Variants in SEL1L2 observed in about 807,000 individuals in gnomAD.
SEL1L2 encodes the protein SEL1L2 adaptor subunit of SYVN1 ubiquitin ligase.
In SEL1L2, 89 loss-of-function variants were observed where a neutral mutation model predicts 98.8. That is an observed-to-expected ratio of 0.90 (90% confidence interval 0.76 to 1.07). The LOEUF is 1.07. SEL1L2 is among the 50% of genes least tolerant of loss of function. The probability of loss-of-function intolerance (pLI) is 0.00; values close to 1 mark genes in which losing one functional copy is unlikely to be tolerated. For synonymous variants in SEL1L2, 262 were observed against 278.5 expected (o/e 0.94, Z 0.59); for missense variants, 788 against 812.0 (o/e 0.97, Z 0.36).
chr20:13,986,759 T>C (rs1208404040), intron 1 of SEL1L2, among the ~76,000 whole-genome samples: 1 of 152,244 alleles, frequency 6.6e-6, no homozygotes, highest in Non-Finnish European at 1.5e-5. Flanking sequence ...TCATTTCTCT[T>C]GGTTATATAC....
chr20:13,983,505 T>C (rs1229598170), intron 1 of SEL1L2, among the ~76,000 whole-genome samples: 1 of 151,866 alleles, frequency 6.6e-6, no homozygotes, highest in Admixed American at 6.6e-5. Context: ...CTAGCTTTTG[T>C]TTTTTGTTTT....
At chr20:13,940,656 G>T (rs1005153370) in intron 2 of SEL1L2, among the ~76,000 whole-genome samples, 1 of 152,030 alleles carries the variant, frequency 6.6e-6, no homozygotes, top group African/African-American at 2.4e-5. Context: ...AGCAGGGGCT[G>T]GGCGTGGTGG....
At chr20:13,933,141 G>T (rs1233588239) in intron 2 of SEL1L2, among the ~76,000 whole-genome samples, 1 of 151,958 alleles carries the variant, frequency 6.6e-6, no homozygotes, top group Non-Finnish European at 1.5e-5. Flanking sequence ...CCTGCGAGGC[G>T]GAGGTTACAG....
intron 10 of SEL1L2, among the ~76,000 whole-genome samples, chr20:13,883,795 A>G (rs936154969): frequency 2.6e-5 from 4 of 152,232 alleles, no homozygotes; most frequent in African/African-American, 4.8e-5. Context: ...TGTCTTCCCT[A>G]CAGCTGAAGC....
At chr20:13,899,058 AATTT>A (rs1336761796) in intron 5 of SEL1L2, among the ~76,000 whole-genome samples, 1 of 151,984 alleles carries the variant, frequency 6.6e-6, no homozygotes, top group Non-Finnish European at 1.5e-5. Context: ...TTATTTTTAC[AATTT>A]ATTTATTTAT....
intron 3 of SEL1L2, among the ~76,000 whole-genome samples, chr20:13,920,794 T>C (rs982848776): frequency 3.9e-5 from 6 of 152,096 alleles, no homozygotes; most frequent in Admixed American, 2.0e-4. Context: ...TCAGAGTTGC[T>C]CATTTTTCTT....
rs199539314 is a variant in SEL1L2 at position 13,987,323 on chromosome 20, T to TG, written c.58+3153_58+3154insC. Among the ~76,000 whole-genome samples the TG allele has an allele frequency of 6.4e-3, 939 of 146,372 alleles. 14 individuals carry two copies. The highest frequency in any genetic ancestry group is 0.02 in the Admixed American group (282 of 14,296). ...TTGTTAATTTACTGTTTTTTTTTTT[T>TG]TTTTTTTTGTTGTTGTTGTTGTTTT... On this transcript the variant is annotated intron_variant, in intron 1 of 19. Transcript: ENST00000284951.
At chr20:13,894,036 A>G (rs2047320251) in intron 5 of SEL1L2, among the ~76,000 whole-genome samples, 2 of 152,198 alleles carry the variant, frequency 1.3e-5, no homozygotes, top group Admixed American at 6.5e-5. Flanking sequence ...AAAGCATCCC[A>G]TAAGATGCTA....
chr20:13,958,782 A>C (rs904220088), intron 1 of SEL1L2, among the ~76,000 whole-genome samples: 2 of 147,372 alleles, frequency 1.4e-5, no homozygotes, highest in Non-Finnish European at 3.0e-5. Context: ...TAAAAATACA[A>C]AAAAAAAAAA....
chr20:13,988,107 A>G (rs1317494357), intron 1 of SEL1L2, among the ~76,000 whole-genome samples: 3 of 152,270 alleles, frequency 2.0e-5, no homozygotes, highest in East Asian at 1.9e-4. Context: ...ATCTTTAGCT[A>G]TATGTGTAGG....
At chr20:13,891,509 A>G (rs1201836305) in intron 5 of SEL1L2, among the ~76,000 whole-genome samples, 1 of 151,982 alleles carries the variant, frequency 6.6e-6, no homozygotes, top group Non-Finnish European at 1.5e-5. Flanking sequence ...TCTACTAAAA[A>G]TACAAAAATT....
At chr20:13,981,306 G>C (rs530659279) in intron 1 of SEL1L2, among the ~76,000 whole-genome samples, 9 of 152,248 alleles carry the variant, frequency 5.9e-5, no homozygotes, top group African/African-American at 2.2e-4. Flanking sequence ...GCTGGGGAGG[G>C]GGGTGTGGGG....
chr20:13,885,853 G>A (rs879897983), intron 9 of SEL1L2, among the ~76,000 whole-genome samples: 68 of 152,222 alleles, frequency 4.5e-4, no homozygotes, highest in Non-Finnish European at 9.1e-4. Context: ...GGCTAACATG[G>A]TGAAACCCTG....
intron 3 of SEL1L2, among the ~76,000 whole-genome samples, 170 bp from the exon 4 acceptor site, chr20:13,919,293 G>A (rs557509804): frequency 6.6e-6 from 1 of 152,228 alleles, no homozygotes; most frequent in African/African-American, 2.4e-5. Flanking sequence ...AGGAGCGTCG[G>A]TAGGTCAGAA....
intron 2 of SEL1L2, among the ~76,000 whole-genome samples, chr20:13,950,501 G>T (rs1038549732): frequency 3.3e-5 from 5 of 152,162 alleles, no homozygotes; most frequent in African/African-American, 1.2e-4. Flanking sequence ...AAATCGATTT[G>T]AGGTCCTGGT....
intron 12 of SEL1L2, among the ~76,000 whole-genome samples, chr20:13,875,026 C>T (rs147930343): frequency 1.1e-4 from 17 of 152,202 alleles, no homozygotes; most frequent in African/African-American, 3.6e-4. Context: ...CTCACGGACC[C>T]CAGGAGCAGA....
At chr20:13,869,160 C>T (rs2046066481) in intron 14 of SEL1L2, among the ~76,000 whole-genome samples, 1 of 152,138 alleles carries the variant, frequency 6.6e-6, no homozygotes, top group African/African-American at 2.4e-5. Context: ...TTTGCAACCT[C>T]AACTACTCTT....
intron 18 of SEL1L2, among the ~76,000 whole-genome samples, chr20:13,857,276 A>G (rs1989320570): frequency 6.6e-6 from 1 of 152,088 alleles, no homozygotes; most frequent in Admixed American, 6.5e-5. Flanking sequence ...GAGACTGCTC[A>G]AAATGAACTA....
intron 10 of SEL1L2, among the ~76,000 whole-genome samples, chr20:13,883,115 T>G (rs6042411): frequency 6.6e-6 from 1 of 151,978 alleles, no homozygotes; most frequent in Non-Finnish European, 1.5e-5. Flanking sequence ...CCACCGCGCC[T>G]GGCCTCAATT....
Sources: gnomAD v4.1 joint callset for allele counts (sites outside exome capture counted in the v4.1 genomes callset) on GRCh38, gnomAD v4.1.1 for gene constraint, MANE v1.5 for transcripts, NCBI Gene and HGNC (gene_info 2026-07-23, HGNC 2026-07-21) for gene names.